The following ZNF555 variants were observed in gnomAD, a reference collection of about 807,000 sequenced individuals.
The protein encoded by ZNF555 is zinc finger protein 555.
Under a neutral mutation model 14.0 loss-of-function variants are expected in ZNF555, and 10 were observed. The observed-to-expected ratio is 0.72, with a 90% CI of 0.44 to 1.21. The LOEUF is 1.21. Ranked by LOEUF, ZNF555 falls within the 50% of genes most tolerant of loss-of-function variation. ZNF555 has a pLI of 0.00. For missense variants in ZNF555, 747 were observed against 762.0 expected, an observed-to-expected ratio of 0.98 and a Z score of 0.23; for synonymous variants, 277 against 262.4, an observed-to-expected ratio of 1.06 and a Z score of -0.54.
intron 1 of ZNF555, among the ~76,000 whole-genome samples, chr19:2,850,020 A>G (rs1270262452): frequency 1.3e-5 from 2 of 152,196 alleles, no homozygotes; most frequent in Admixed American, 6.5e-5. Flanking sequence ...TAATTTCTCA[A>G]TAACTTCTAG....
intron 1 of ZNF555, among the ~76,000 whole-genome samples, chr19:2,844,860 T>A (rs2087569486): frequency 6.6e-6 from 1 of 152,196 alleles, no homozygotes; most frequent in African/African-American, 2.4e-5. Context: ...GAGGCCCCTA[T>A]GAAGTAGGAG....
chr19:2,841,518 G>T lies in ZNF555; in HGVS notation c.-55G>T. 6.5e-7 allele frequency: 1 copy of T among 1,545,320 alleles called. No individual in the cohort carries two copies. ...CCGCCTGCCCCTAGCGGTCCCTGGC[G>T]TCCCGGTTCCTGTCGCGCTCACCTG... is the stretch of plus-strand genomic sequence containing the variant. On this transcript the variant is annotated 5_prime_UTR_variant, in exon 1 of 4. Transcript: ENST00000334241.
At chr19:2,842,308 C>T (rs1459975210) in intron 1 of ZNF555, among the ~76,000 whole-genome samples, 1 of 152,190 alleles carries the variant, frequency 6.6e-6, no homozygotes, top group African/African-American at 2.4e-5. Context: ...GGAAAAAAAA[C>T]AAGGGTTCCT....
At chr19:2,842,067 G>A (rs2087541803) in intron 1 of ZNF555, among the ~76,000 whole-genome samples, 1 of 151,964 alleles carries the variant, frequency 6.6e-6, no homozygotes. Context: ...CTCCGCTCGC[G>A]CTCCCGCGGC....
At chr19:2,850,561 C>A in intron 1 of ZNF555, 26 bp from the exon 2 acceptor site, 1 of 1,610,822 alleles carries the variant, frequency 6.2e-7, no homozygotes, top group South Asian at 1.1e-5. Flanking sequence ...CAACCATCCT[C>A]CCATAAATAT....
intron 1 of ZNF555, among the ~76,000 whole-genome samples, chr19:2,841,914 C>G (rs1423055171): frequency 1.3e-5 from 2 of 151,682 alleles, no homozygotes; most frequent in Non-Finnish European, 2.9e-5. Flanking sequence ...CGCCTCGGAG[C>G]GTTTCGCTGC....
Position 2,852,438 on chromosome 19 carries a change from A to G in ZNF555, c.373A>G (p.Ser125Gly). 6.2e-7 allele frequency: 1 copy of G among 1,614,216 alleles called. No individual in the cohort carries two copies. Among genetic ancestry groups the G allele is most frequent in the Non-Finnish European group, 8.5e-7 (1 of 1,180,032 alleles). Residue 125 changes from serine (S) to glycine (G), a missense_variant, in exon 4 of 4, where the codon AGC becomes GGC. Ser to Gly is a moderately conservative substitution (Grantham distance 56, BLOSUM62 0). Coordinates refer to ENST00000334241, the MANE Select transcript of ZNF555 (RefSeq NM_152791.5). ...ESNDQCGEALSQIPHLNLYKK... is the reference protein window; with the variant it reads ...ESNDQCGEALGQIPHLNLYKK... ...TAATGATCAATGTGGAGAAGCCCTCAGCCAGATTCCACATCTTAATCTGTA... is the reference window on the plus strand; with the variant it reads ...TAATGATCAATGTGGAGAAGCCCTCGGCCAGATTCCACATCTTAATCTGTA...
In ZNF555 at chr19:2,853,496, CAA is replaced by C; in HGVS notation, c.1433_1434del (p.Lys478IlefsTer3). ...AACATGTGAGAATGCACCCTGAAGACAAATCCTATGAATGCAAGCTATGTGGG... is the reference window on the plus strand; with the variant it reads ...AACATGTGAGAATGCACCCTGAAGACATCCTATGAATGCAAGCTATGTGGG... ...REHVRMHPED[K>X]SYECKLCGKA... On this transcript the variant is annotated frameshift_variant, in exon 4 of 4. Coordinates refer to ENST00000334241, the MANE Select transcript of ZNF555 (RefSeq NM_152791.5). LOFTEE classifies it low-confidence loss of function (END_TRUNC). The C allele has an allele frequency of 6.2e-7, 1 of 1,613,878 alleles. No individual in the cohort carries two copies. The highest frequency in any genetic ancestry group is 8.5e-7 in the Non-Finnish European group (1 of 1,179,978).
rs2087715404 is a variant in ZNF555 at position 2,859,664 on chromosome 19, A to C, written c.*5712A>C. ...TCGCAGACTCAGGCTCCCTGTTCTC[A>C]GGTTCTTATGTAGACAGTGAGGGCT... On this transcript the variant is annotated 3_prime_UTR_variant, in exon 4 of 4. Transcript: ENST00000334241. 1 of 152,410 alleles carries C rather than the reference A, an allele frequency of 6.6e-6. No individual in the cohort carries two copies. The highest frequency in any genetic ancestry group is 1.5e-5 in the Non-Finnish European group (1 of 68,098). The allele number at this position is 152,410 out of a possible 1,614,324, so 9.4% of individuals were successfully genotyped here. A position where few individuals can be genotyped will look rare whatever the true frequency, so the allele number is the denominator to read the frequency against.
chr19:2,859,040 C>G lies in ZNF555; in HGVS notation c.*5088C>G, dbSNP rs2087708484. On this transcript the variant is annotated 3_prime_UTR_variant, in exon 4 of 4. Coordinates refer to ENST00000334241, the MANE Select transcript of ZNF555 (RefSeq NM_152791.5). ...CATGCGCCCTCCTCAGGAGCAGCCT[C>G]AAAGCGCGCAGCCTCAGCCCATTGG... 1 of 152,382 alleles carries G rather than the reference C, an allele frequency of 6.6e-6. No individual in the cohort carries two copies. The highest frequency in any genetic ancestry group is 2.4e-5 in the African/African-American group (1 of 41,480). 9.4% of individuals were successfully genotyped at this position (152,382 alleles called of 1,614,324 possible). A position where few individuals can be genotyped will look rare whatever the true frequency, so the allele number is the denominator to read the frequency against.
At position 2,858,991 on chromosome 19, in the gene ZNF555, T is replaced by A. The variant is rs1292983133; in HGVS notation, c.*5039T>A. On this transcript the variant is annotated 3_prime_UTR_variant, in exon 4 of 4. Transcript: ENST00000334241. Reference sequence around the variant, plus strand: ...CCTCCTCCCCACAGTCCAGGACGCGTCTTACTAACGCCTCACCAGAGCGCA... The same window carrying A: ...CCTCCTCCCCACAGTCCAGGACGCGACTTACTAACGCCTCACCAGAGCGCA... 1 of 152,362 alleles carries A rather than the reference T, an allele frequency of 6.6e-6. No individual in the cohort carries two copies. The highest frequency in any genetic ancestry group is 2.1e-4 in the South Asian group (1 of 4,830). 9.4% of individuals were successfully genotyped at this position (152,362 alleles called of 1,614,324 possible).
In ZNF555 at chr19:2,852,410, A is replaced by C. The variant is rs1396693013; in HGVS notation, c.345A>C (p.Glu115Asp). The change falls in exon 4 of 4, where the codon GAA (glutamate) becomes GAC (aspartate). Residue 115 changes from glutamate (E) to aspartate (D), a missense_variant. By Grantham distance (45) the Glu-to-Asp change is conservative. Coordinates refer to ENST00000334241, the MANE Select transcript of ZNF555 (RefSeq NM_152791.5). ...SRNHGLERLC[E>D]SNDQCGEALS... is the part of the protein sequence containing the mutation. Reference sequence around the variant, plus strand: ...ATCATGGGTTGGAGAGACTCTGTGAAAGTAATGATCAATGTGGAGAAGCCC... The same window carrying C: ...ATCATGGGTTGGAGAGACTCTGTGACAGTAATGATCAATGTGGAGAAGCCC... 1 of 1,614,206 alleles carries C rather than the reference A, an allele frequency of 6.2e-7. No homozygotes were observed. The highest frequency in any genetic ancestry group is 1.1e-5 in the South Asian group (1 of 91,086).
Position 2,851,666 on chromosome 19 carries a change from C to T in ZNF555, c.314+15C>T, listed in dbSNP as rs752761450. On this transcript the variant is annotated intron_variant, in intron 3 of 3. Transcript: ENST00000334241. ...AGAAATCTCAGGTGAGTTGCACTCA[C>T]AAGAGAACATAGTATTTCAGGAGAG... The T allele has an allele frequency of 1.3e-6, 2 of 1,531,398 alleles. No homozygotes were observed. The highest frequency in any genetic ancestry group is 2.4e-5 in the East Asian group (1 of 42,216). 94.9% of individuals were successfully genotyped at this position (1,531,398 alleles called of 1,614,324 possible).
chr19:2,857,664 TAAA>T lies in ZNF555; in HGVS notation c.*3715_*3717del. 6.6e-6 allele frequency: 1 copy of T among 152,216 alleles called. No individual in the cohort carries two copies. The highest frequency in any genetic ancestry group is 1.9e-4 in the East Asian group (1 of 5,184). 9.4% of individuals were successfully genotyped at this position (152,216 alleles called of 1,614,324 possible). A position where few individuals can be genotyped will look rare whatever the true frequency, so the allele number is the denominator to read the frequency against. The stretch of plus-strand genomic sequence containing the variant: ...GTATGTATATTTTAAAGTTAAACAA[TAAA>T]AATGCTTTCAGTTTATTAAAGAACT... On this transcript the variant is annotated 3_prime_UTR_variant, in exon 4 of 4. Transcript: ENST00000334241.
At chr19:2,846,722 G>T (rs998264897) in intron 1 of ZNF555, among the ~76,000 whole-genome samples, 8 of 152,202 alleles carry the variant, frequency 5.3e-5, no homozygotes, top group Admixed American at 4.6e-4. Flanking sequence ...GTATTGCCGG[G>T]TTGGACAGCT....
intron 1 of ZNF555, among the ~76,000 whole-genome samples, chr19:2,847,811 G>T (rs1222072440): frequency 2.0e-5 from 3 of 152,142 alleles, no homozygotes; most frequent in African/African-American, 7.2e-5. Flanking sequence ...CTTTCTGGGG[G>T]ACCACGTCAC....
chr19:2,852,967 G>A lies in ZNF555; in HGVS notation c.902G>A (p.Arg301Lys), dbSNP rs920625889. The change falls in exon 4 of 4, where the codon AGA (arginine) becomes AAA (lysine). Residue 301 changes from arginine to lysine, a missense_variant. Arg to Lys is a conservative substitution (Grantham distance 26). Transcript: ENST00000334241. ...TTTAGTTATTCCTCAACTTTTCGAA[G>A]ACATATGATTTCACACACTGGAGAG... ...EAFSYSSTFR[R>K]HMISHTGEKP... 3.1e-6 allele frequency: 5 copies of A among 1,614,106 alleles called. No homozygotes were observed. The highest frequency in any genetic ancestry group is 3.3e-4 in the Middle Eastern group (2 of 6,084).
At chr19:2,843,535 G>A (rs1610062) in intron 1 of ZNF555, among the ~76,000 whole-genome samples, 105,220 of 152,072 alleles carry the variant, frequency 0.69, 36,626 homozygotes, top group East Asian at 0.8. Context: ...TCCACCATAC[G>A]TGCAGAAAAA....
At chr19:2,841,707 G>C in intron 1 of ZNF555, 132 bp downstream of exon 1, 2 of 1,126,206 alleles carry the variant, frequency 1.8e-6, no homozygotes, top group Non-Finnish European at 2.3e-6. Flanking sequence ...GGGAGCCTGG[G>C]CCCCGGGGGT....
Sources: allele counts gnomAD v4.1 joint callset (sites outside exome capture counted in the v4.1 genomes callset), GRCh38; gene constraint gnomAD v4.1.1; transcripts MANE v1.5; gene names NCBI Gene and HGNC (gene_info 2026-07-23, HGNC 2026-07-21).